NFYC: variants seen among roughly 807,000 people sequenced by gnomAD.
NFYC encodes the protein nuclear transcription factor Y subunit gamma, also known as CAAT box DNA-binding protein subunit C.
In NFYC, 25 loss-of-function variants were observed where a neutral mutation model predicts 53.1. The ratio of observed to expected loss-of-function variants is 0.47; its 90% CI spans 0.34 to 0.66. The LOEUF is 0.66. NFYC is among the 30% of genes least tolerant of loss of function. NFYC has a pLI of 0.01. For missense variants in NFYC, 260 were observed against 422.7 expected (o/e 0.62, Z 3.38); for synonymous variants, 145 against 152.6 (o/e 0.95, Z 0.37).
rs146512385 is a variant in NFYC at position 40,719,853 on chromosome 1, T to C, written c.-8-18983T>C. Among the ~76,000 whole-genome samples the C allele has an allele frequency of 3.0e-4, 46 of 152,388 alleles. 1 individual carries two copies. In the East Asian group the frequency reaches 7.7e-3, roughly 26 times the overall value. On this transcript the variant is annotated intron_variant, in intron 1 of 9. Transcript: ENST00000447388. The stretch of plus-strand genomic sequence containing the variant: ...TAATTTCACCTGTGGCATATACTTG[T>C]CCTGGTGAATTCTGCCAAGTTCCTC...
chr1:40,741,892 C>A (rs1006783143), intron 2 of NFYC, among the ~76,000 whole-genome samples: 1 of 151,366 alleles, frequency 6.6e-6, no homozygotes, highest in Non-Finnish European at 1.5e-5. Context: ...GTGTGAGCCA[C>A]CATGCGTGGC....
At chr1:40,754,775 G>A (rs957131280) in intron 5 of NFYC, among the ~76,000 whole-genome samples, 1 of 152,058 alleles carries the variant, frequency 6.6e-6, no homozygotes, top group Non-Finnish European at 1.5e-5. Context: ...CATCCTGTCA[G>A]TTCCTCCAAA....
intron 1 of NFYC, among the ~76,000 whole-genome samples, chr1:40,722,888 G>A (rs1557781937): frequency 6.6e-6 from 1 of 152,126 alleles, no homozygotes; most frequent in Non-Finnish European, 1.5e-5. Context: ...CAAAGGGGAA[G>A]GATAAAACAG....
chr1:40,763,143 C>A, intron 7 of NFYC, 97 bp downstream of exon 7: 2 of 1,082,172 alleles, frequency 1.8e-6, no homozygotes, highest in South Asian at 1.9e-5. Context: ...TCTATATATA[C>A]CTTGATATGT....
intron 1 of NFYC, among the ~76,000 whole-genome samples, chr1:40,697,919 T>C (rs1643236604): frequency 6.6e-6 from 1 of 152,240 alleles, no homozygotes; most frequent in African/African-American, 2.4e-5. Flanking sequence ...TTCCATTTTG[T>C]TATTTTCAGA....
intron 3 of NFYC, 78 bp from the exon 4 acceptor site, chr1:40,749,495 G>T (rs1015927582): frequency 1.8e-6 from 2 of 1,118,674 alleles, no homozygotes; most frequent in Non-Finnish European, 2.7e-6. Context: ...ATAGTCCCAT[G>T]CCAGGCAATG....
intron 1 of NFYC, among the ~76,000 whole-genome samples, chr1:40,737,217 G>A (rs1353413629): frequency 6.6e-6 from 1 of 151,254 alleles, no homozygotes; most frequent in Admixed American, 6.6e-5. Flanking sequence ...CTCAACCTGT[G>A]TTATCTACAG....
At chr1:40,711,346 T>A (rs141570279) in intron 1 of NFYC, among the ~76,000 whole-genome samples, 7 of 152,320 alleles carry the variant, frequency 4.6e-5, no homozygotes, top group African/African-American at 1.7e-4. Context: ...TTAAATTTAT[T>A]TGTTTGTCAT....
chr1:40,765,878 T>C (rs1186909055), intron 7 of NFYC, among the ~76,000 whole-genome samples: 1 of 152,190 alleles, frequency 6.6e-6, no homozygotes, highest in East Asian at 1.9e-4. Flanking sequence ...TGTGGTATTA[T>C]TGTATTATCT....
chr1:40,736,844 A>G lies in NFYC; in HGVS notation c.-8-1992A>G, dbSNP rs1309814212. ...CCAAAAAAAAAAAAAAAAAAAAAAA[A>G]GGCTGGGCGCGGTGGCTCACGCCTG... On this transcript the variant is annotated intron_variant, in intron 1 of 9. Transcript: ENST00000447388. Among the ~76,000 whole-genome samples, 6 of 147,382 alleles carry G rather than the reference A, an allele frequency of 4.1e-5. No individual in the cohort carries two copies. In the South Asian group the frequency reaches 1.3e-3, roughly 31 times the overall value.
intron 6 of NFYC, among the ~76,000 whole-genome samples, chr1:40,759,785 G>A (rs1646444710): frequency 6.6e-6 from 1 of 152,078 alleles, no homozygotes; most frequent in Admixed American, 6.6e-5. Context: ...CACAGGCAAA[G>A]GCTCAGAGGT....
chr1:40,736,259 C>T (rs1570530140), intron 1 of NFYC, among the ~76,000 whole-genome samples: 1 of 152,122 alleles, frequency 6.6e-6, no homozygotes, highest in East Asian at 1.9e-4. Flanking sequence ...ATTTCTTTCC[C>T]CTCATCATTT....
At chr1:40,701,580 G>T (rs564585437) in intron 1 of NFYC, among the ~76,000 whole-genome samples, 7 of 152,246 alleles carry the variant, frequency 4.6e-5, no homozygotes, top group African/African-American at 1.7e-4. Flanking sequence ...TAAAACTTAC[G>T]TAAGCCCTGG....
intron 5 of NFYC, chr1:40,757,287 A>G (rs754021395): frequency 5.6e-6 from 3 of 532,860 alleles, no homozygotes; most frequent in East Asian, 1.1e-4. Context: ...GGCTATAACC[A>G]TGCTGTAGTG....
At chr1:40,701,579 C>T (rs544583966) in intron 1 of NFYC, among the ~76,000 whole-genome samples, 47 of 152,298 alleles carry the variant, frequency 3.1e-4, no homozygotes, top group African/African-American at 1.1e-3. Flanking sequence ...CTAAAACTTA[C>T]GTAAGCCCTG....
intron 8 of NFYC, chr1:40,766,956 C>T: frequency 1.3e-6 from 2 of 1,552,124 alleles, no homozygotes; most frequent in Non-Finnish European, 1.7e-6. Flanking sequence ...CTCGAAGGTG[C>T]CTGAAAGAAA....
chr1:40,724,810 G>T (rs1644452715), intron 1 of NFYC, among the ~76,000 whole-genome samples: 1 of 152,024 alleles, frequency 6.6e-6, no homozygotes, highest in Non-Finnish European at 1.5e-5. Context: ...AAGTATTTTT[G>T]TTTTTGAAGG....
chr1:40,718,586 CTT>C (rs1368269569), intron 1 of NFYC, among the ~76,000 whole-genome samples: 1 of 152,166 alleles, frequency 6.6e-6, no homozygotes, highest in African/African-American at 2.4e-5. Flanking sequence ...AACACGGTCA[CTT>C]TTTGGAACAA....
At chr1:40,704,619 T>C (rs1643606667) in intron 1 of NFYC, among the ~76,000 whole-genome samples, 1 of 152,210 alleles carries the variant, frequency 6.6e-6, no homozygotes, top group Non-Finnish European at 1.5e-5. Flanking sequence ...TGATGAGAAG[T>C]AGGACTTGAG....
Sources: gnomAD v4.1 joint callset for allele counts (sites outside exome capture counted in the v4.1 genomes callset) on GRCh38, gnomAD v4.1.1 for gene constraint, MANE v1.5 for transcripts, NCBI Gene and HGNC (gene_info 2026-07-23, HGNC 2026-07-21) for gene names.